TAFA1: variants seen among roughly 807,000 people sequenced by gnomAD.
TAFA1 encodes the protein chemokine-like protein TAFA-1.
TAFA1 carries 4 observed loss-of-function variants against 18.5 expected under a neutral mutation model. The observed-to-expected ratio is 0.22, with a 90% CI of 0.11 to 0.49. The LOEUF (loss-of-function observed/expected upper bound fraction) is 0.49. Ranked by LOEUF, TAFA1 falls within the 20% of genes least tolerant of loss-of-function variation. The pLI is 0.98. For missense variants in TAFA1, 147 were observed against 169.0 expected (o/e 0.87, Z 0.72); for synonymous variants, 56 against 55.2 (o/e 1.01, Z -0.06).
intron 2 of TAFA1, among the ~76,000 whole-genome samples, chr3:68,257,411 T>C (rs2067319208): frequency 6.6e-6 from 1 of 152,046 alleles, no homozygotes; most frequent in Non-Finnish European, 1.5e-5. Flanking sequence ...GACAGTTAAC[T>C]TTATAAAGCC....
chr3:68,283,513 T>C (rs2067940036), intron 2 of TAFA1, among the ~76,000 whole-genome samples: 1 of 152,230 alleles, frequency 6.6e-6, no homozygotes, highest in South Asian at 2.1e-4. Flanking sequence ...CTTTACTACA[T>C]TCCTGGGTGC....
At chr3:68,473,922 A>G (rs1465489837) in intron 3 of TAFA1, among the ~76,000 whole-genome samples, 1 of 152,188 alleles carries the variant, frequency 6.6e-6, no homozygotes, top group Non-Finnish European at 1.5e-5. Flanking sequence ...ATAGTGCCTG[A>G]AACATGGAAA....
At chr3:68,522,799 A>G (rs1015963248) in intron 3 of TAFA1, among the ~76,000 whole-genome samples, 2 of 150,930 alleles carry the variant, frequency 1.3e-5, no homozygotes, top group African/African-American at 4.9e-5. Context: ...CAGTAAGCCG[A>G]GATCATACCA....
intron 3 of TAFA1, among the ~76,000 whole-genome samples, chr3:68,506,770 T>A (rs917008041): frequency 3.9e-5 from 6 of 152,098 alleles, no homozygotes; most frequent in Admixed American, 6.6e-5. Flanking sequence ...TTCAACAAAT[T>A]TGTCAGATGA....
chr3:68,500,670 G>A (rs182163762), intron 3 of TAFA1, among the ~76,000 whole-genome samples: 27 of 151,020 alleles, frequency 1.8e-4, no homozygotes, highest in East Asian at 1.2e-3. Context: ...AGTATGTGAC[G>A]TACAAGGCTG....
At chr3:68,196,886 C>T (rs1332559849) in intron 2 of TAFA1, among the ~76,000 whole-genome samples, 1 of 151,780 alleles carries the variant, frequency 6.6e-6, no homozygotes, top group Admixed American at 6.6e-5. Context: ...ATTATTTGAT[C>T]AGAGCCAACC....
At chr3:68,492,058 T>G (rs2072464083) in intron 3 of TAFA1, among the ~76,000 whole-genome samples, 1 of 152,234 alleles carries the variant, frequency 6.6e-6, no homozygotes, top group African/African-American at 2.4e-5. Flanking sequence ...CAAGCAGTTC[T>G]GTACTTACAT....
chr3:68,317,313 C>A (rs1042380762), intron 2 of TAFA1, among the ~76,000 whole-genome samples: 1 of 152,170 alleles, frequency 6.6e-6, no homozygotes, highest in African/African-American at 2.4e-5. Context: ...CTATCTCAGT[C>A]ACTTGCCACA....
chr3:68,419,341 A>G (rs2070912148), intron 3 of TAFA1, among the ~76,000 whole-genome samples: 1 of 152,152 alleles, frequency 6.6e-6, no homozygotes, highest in Admixed American at 6.5e-5. Context: ...ACCATTTTCA[A>G]CATGTAGAAA....
chr3:68,473,883 C>T (rs2072044432), intron 3 of TAFA1, among the ~76,000 whole-genome samples: 1 of 152,102 alleles, frequency 6.6e-6, no homozygotes, highest in East Asian at 1.9e-4. Context: ...CCTTTGCTAA[C>T]TTGTTCTACA....
chr3:68,045,487 G>C (rs1023968834), intron 2 of TAFA1, among the ~76,000 whole-genome samples: 1 of 152,098 alleles, frequency 6.6e-6, no homozygotes, highest in Non-Finnish European at 1.5e-5. Flanking sequence ...GGAAATGTGG[G>C]CTCTTCTGCC....
intron 3 of TAFA1, among the ~76,000 whole-genome samples, chr3:68,536,525 A>T (rs2073281033): frequency 6.6e-6 from 1 of 152,132 alleles, no homozygotes; most frequent in African/African-American, 2.4e-5. Flanking sequence ...TAAGACAAAC[A>T]CCTGGCTGAC....
intron 3 of TAFA1, among the ~76,000 whole-genome samples, chr3:68,454,226 A>G (rs917321626): frequency 1.3e-5 from 2 of 152,188 alleles, no homozygotes; most frequent in African/African-American, 4.8e-5. Context: ...CATATGTACT[A>G]AGTCCCTTAA....
intron 3 of TAFA1, among the ~76,000 whole-genome samples, chr3:68,479,244 AT>A (rs2072176496): frequency 4.1e-5 from 5 of 123,056 alleles, no homozygotes; most frequent in African/African-American, 6.3e-5. Context: ...AAAAAAAAAT[AT>A]ATATATATAT....
intron 3 of TAFA1, among the ~76,000 whole-genome samples, chr3:68,509,378 C>T (rs1050615509): frequency 1.3e-5 from 2 of 152,052 alleles, no homozygotes; most frequent in African/African-American, 2.4e-5. Context: ...ACAAGATTTC[C>T]GTCATGGTCT....
At chr3:68,005,631 AAAAG>A (rs1163718076) in intron 1 of TAFA1, among the ~76,000 whole-genome samples, 2 of 152,248 alleles carry the variant, frequency 1.3e-5, no homozygotes, top group African/African-American at 4.8e-5. Context: ...AGTGAAAAGG[AAAAG>A]AAAGAAAGAA....
intron 2 of TAFA1, among the ~76,000 whole-genome samples, chr3:68,153,957 T>C (rs551769554): frequency 2.0e-5 from 3 of 152,296 alleles, no homozygotes; most frequent in Non-Finnish European, 4.4e-5. Context: ...CTAACTCCCA[T>C]CCTTTAGGGA....
At chr3:68,275,071 A>T (rs562809880) in intron 2 of TAFA1, among the ~76,000 whole-genome samples, 17 of 152,084 alleles carry the variant, frequency 1.1e-4, no homozygotes, top group African/African-American at 4.1e-4. Context: ...ATTAGTTTTA[A>T]GTTTGCAGGA....
chr3:68,024,810 C>CAA (rs1159829125), intron 2 of TAFA1, among the ~76,000 whole-genome samples: 1 of 151,636 alleles, frequency 6.6e-6, no homozygotes, highest in African/African-American at 2.4e-5. Context: ...TTAATGCACA[C>CAA]ACACACACAC....
Sources: gnomAD v4.1 joint callset for allele counts (sites outside exome capture counted in the v4.1 genomes callset) on GRCh38, gnomAD v4.1.1 for gene constraint, MANE v1.5 for transcripts, NCBI Gene and HGNC (gene_info 2026-07-23, HGNC 2026-07-21) for gene names.